Variants in SIPA1L3 observed in about 807,000 individuals in gnomAD.
SIPA1L3 encodes the protein signal induced proliferation associated 1 like 3, also known as signal-induced proliferation-associated 1-like protein 3.
SIPA1L3 carries 59 observed loss-of-function variants against 150.1 expected under a neutral mutation model. That is an observed-to-expected ratio of 0.39 (90% CI 0.32 to 0.49). The LOEUF (loss-of-function observed/expected upper bound fraction) is 0.49, where lower values mean the gene tolerates loss of function less well. Ranked by LOEUF, SIPA1L3 falls within the 20% of genes least tolerant of loss-of-function variation. The probability of loss-of-function intolerance (pLI) is 0.86; values close to 1 mark genes in which losing one functional copy is unlikely to be tolerated. For missense variants in SIPA1L3, 2,211 were observed against 2,489.5 expected, an observed-to-expected ratio of 0.89 and a Z score of 2.38; for synonymous variants, 1,070 against 1,077.6, an observed-to-expected ratio of 0.99 and a Z score of 0.14.
intron 10 of SIPA1L3, among the ~76,000 whole-genome samples, chr19:38,138,413 A>G (rs1971485786): frequency 1.3e-5 from 2 of 152,202 alleles, no homozygotes; most frequent in South Asian, 4.1e-4. Context: ...AGACTGAAAC[A>G]TGGCGCCGCA....
rs1253163777 is a variant in SIPA1L3, at chr19:38,082,538, C to T, written c.973C>T (p.Arg325Trp). 4 of 1,599,994 alleles carry T rather than the reference C, an allele frequency of 2.5e-6. No individual in the cohort carries two copies. In the South Asian group the frequency reaches 3.3e-5, roughly 13 times the overall value. The change falls in exon 3 of 22, where the codon CGG becomes TGG. Residue 325 changes from arginine to tryptophan, a missense_variant. Arg to Trp is a moderately radical substitution (Grantham distance 101, BLOSUM62 -3). Coordinates refer to ENST00000222345, the MANE Select transcript of SIPA1L3 (RefSeq NM_015073.3). ...GRSPGEADEG[R>W]SPPEASRPWV... The stretch of plus-strand genomic sequence containing the variant: ...TTCCCCGGGGGAGGCCGACGAGGGC[C>T]GGAGCCCCCCGGAAGCCAGCAGGCC...
intron 2 of SIPA1L3, among the ~76,000 whole-genome samples, chr19:38,056,295 G>T (rs998499017): frequency 1.3e-5 from 2 of 152,214 alleles, no homozygotes; most frequent in African/African-American, 4.8e-5. Context: ...GGCAGGTCAC[G>T]ATCTCCATGA....
At chr19:37,910,947 G>A (rs529563776) in intron 1 of SIPA1L3, among the ~76,000 whole-genome samples, 2 of 152,256 alleles carry the variant, frequency 1.3e-5, no homozygotes, top group South Asian at 4.1e-4. Flanking sequence ...TTGTGCGTGT[G>A]TGTATGTATG....
intron 10 of SIPA1L3, among the ~76,000 whole-genome samples, chr19:38,134,910 G>A (rs1971400766): frequency 6.6e-6 from 1 of 152,086 alleles, no homozygotes; most frequent in Non-Finnish European, 1.5e-5. Context: ...GACCTGCATG[G>A]CTGCAGCAGA....
intron 15 of SIPA1L3, among the ~76,000 whole-genome samples, chr19:38,175,996 A>G (rs932601636): frequency 3.9e-5 from 6 of 152,130 alleles, no homozygotes; most frequent in African/African-American, 1.4e-4. Context: ...TCATGAGGTC[A>G]GAAGTTCAAG....
chr19:37,916,306 C>T (rs1049698683), intron 1 of SIPA1L3, among the ~76,000 whole-genome samples: 10 of 151,868 alleles, frequency 6.6e-5, no homozygotes, highest in Admixed American at 2.6e-4. Context: ...GGATTACAGA[C>T]GTGAGCCACC....
chr19:38,068,944 T>A (rs756355948), intron 2 of SIPA1L3, among the ~76,000 whole-genome samples: 6 of 152,192 alleles, frequency 3.9e-5, no homozygotes, highest in Non-Finnish European at 5.9e-5. Context: ...CGCCAGTGTG[T>A]AGCCCTGAAT....
chr19:38,005,176 T>C (rs1053621585), intron 1 of SIPA1L3, among the ~76,000 whole-genome samples: 1 of 151,970 alleles, frequency 6.6e-6, no homozygotes, highest in African/African-American at 2.4e-5. Flanking sequence ...TATAACATCT[T>C]CATAGGACCT....
chr19:38,193,997 G>A (rs1288298279), intron 18 of SIPA1L3, among the ~76,000 whole-genome samples: 1 of 152,078 alleles, frequency 6.6e-6, no homozygotes, highest in Non-Finnish European at 1.5e-5. Context: ...GCATCAGAGG[G>A]TCACCTAGGA....
At position 37,995,509 on chromosome 19, in the gene SIPA1L3, A is replaced by T. The variant is rs833903; in HGVS notation, c.-378-33580A>T. The stretch of plus-strand genomic sequence containing the variant: ...GGCCATAATGCAGCGTGGTGAGTAG[A>T]TGAGCTGCAAGTGCGGGGGAACACA... On this transcript the variant is annotated intron_variant, in intron 1 of 21. Coordinates refer to ENST00000222345, the MANE Select transcript of SIPA1L3 (RefSeq NM_015073.3). Among the ~76,000 whole-genome samples, 3 of 152,198 alleles carry T rather than the reference A, an allele frequency of 2.0e-5. No individual in the cohort carries two copies. The Middle Eastern group carries it at 0.01, about 518-fold the overall frequency.
intron 2 of SIPA1L3, among the ~76,000 whole-genome samples, chr19:38,035,042 C>T (rs1273184629): frequency 3.3e-5 from 5 of 152,100 alleles, no homozygotes; most frequent in East Asian, 3.9e-4. Context: ...GGTCTGTGAT[C>T]GGGGAAGCCC....
intron 10 of SIPA1L3, among the ~76,000 whole-genome samples, chr19:38,133,542 A>G (rs1372431260): frequency 3.3e-5 from 5 of 152,166 alleles, no homozygotes; most frequent in Non-Finnish European, 5.9e-5. Flanking sequence ...GAAACAGTGC[A>G]CAGAGGACAG....
chr19:38,088,933 C>T (rs1970201706), intron 4 of SIPA1L3, 82 bp downstream of exon 4: 8 of 1,483,426 alleles, frequency 5.4e-6, no homozygotes, highest in East Asian at 2.3e-5. Context: ...AAACGCTTCC[C>T]CAGCTTCATC....
chr19:37,941,951 C>T (rs903933859), intron 1 of SIPA1L3, among the ~76,000 whole-genome samples: 2 of 152,292 alleles, frequency 1.3e-5, no homozygotes, highest in East Asian at 1.9e-4. Context: ...AGCAGTAGCA[C>T]GCTTGAAATC....
chr19:37,922,435 C>T (rs2046464725), intron 1 of SIPA1L3, among the ~76,000 whole-genome samples: 2 of 151,400 alleles, frequency 1.3e-5, no homozygotes, highest in Admixed American at 1.3e-4. Flanking sequence ...GCTCTGTCGC[C>T]CAGGCTAGAG....
chr19:38,053,867 T>C (rs1280200126), intron 2 of SIPA1L3, among the ~76,000 whole-genome samples: 1 of 151,300 alleles, frequency 6.6e-6, no homozygotes, highest in East Asian at 2.0e-4. Context: ...CGCCCAGCCT[T>C]CTTGTTTCCA....
chr19:37,960,793 A>G (rs1001183913), intron 1 of SIPA1L3, among the ~76,000 whole-genome samples: 9 of 152,042 alleles, frequency 5.9e-5, no homozygotes, highest in Admixed American at 2.0e-4. Context: ...GACCCTAGCA[A>G]TCCTCCCACC....
Position 38,046,332 on chromosome 19 carries a change from C to T in SIPA1L3, c.-311+17176C>T, listed in dbSNP as rs547259096. The stretch of plus-strand genomic sequence containing the variant: ...CCGCAAAGATGGCCTCATTTCCTCT[C>T]AGGCCCAGCGCTGCCAGCAGCCTGT... On this transcript the variant is annotated intron_variant, in intron 2 of 21. Transcript: ENST00000222345. This position sits in a 1 kb window ranked among gnomAD's most constrained non-coding sequence, Gnocchi z 5.6. Among the ~76,000 whole-genome samples the T allele has an allele frequency of 4.6e-3, 708 of 152,326 alleles. 3 individuals carry two copies. The highest frequency in any genetic ancestry group is 6.6e-3 in the Non-Finnish European group (447 of 68,038).
At chr19:37,943,001 A>C (rs1036319191) in intron 1 of SIPA1L3, among the ~76,000 whole-genome samples, 4 of 144,042 alleles carry the variant, frequency 2.8e-5, no homozygotes, top group Non-Finnish European at 4.5e-5. Context: ...CGTGAGCCAC[A>C]CCCAGCCTCT....
Sources: gnomAD v4.1 joint callset for allele counts (sites outside exome capture counted in the v4.1 genomes callset) on GRCh38, gnomAD v4.1.1 for gene constraint, Gnocchi (gnomAD v3.1) non-coding constraint, MANE v1.5 for transcripts, NCBI Gene and HGNC (gene_info 2026-07-23, HGNC 2026-07-21) for gene names.